Variants in STEEP1 observed in about 807,000 individuals in gnomAD.
STEEP1 encodes STING1 ER exit protein 1.
STEEP1 carries 3 observed loss-of-function variants against 19.2 expected under a neutral mutation model. The observed-to-expected ratio is 0.16, with a 90% confidence interval of 0.07 to 0.40. The LOEUF (loss-of-function observed/expected upper bound fraction) is 0.40. Ranked by LOEUF, STEEP1 falls within the 10% of genes least tolerant of loss-of-function variation. STEEP1 has a pLI of 0.99. For synonymous variants in STEEP1, 46 were observed against 63.7 expected (o/e 0.72, Z 1.32); for missense variants, 54 against 177.1 (o/e 0.30, Z 3.94).
intron 5 of STEEP1, among the ~76,000 whole-genome samples, chrX:119,542,055 C>CT (rs201339708): frequency 0.021 from 1,694 of 82,192 alleles, 126 homozygotes; most frequent in East Asian, 0.038. Flanking sequence ...CTTTTCTTTT[C>CT]TTTTTTTTTT....
At chrX:119,564,267 C>T (rs55813201) in intron 1 of STEEP1, among the ~76,000 whole-genome samples, 13,676 of 110,879 alleles carry the variant, frequency 0.12, 895 homozygotes, top group Non-Finnish European at 0.19. Flanking sequence ...GAGGCCGAGG[C>T]GGGTGGATCA....
chrX:119,548,114 G>A (rs2053218299), intron 2 of STEEP1, among the ~76,000 whole-genome samples: 1 of 111,330 alleles, frequency 9.0e-6, no homozygotes, highest in Non-Finnish European at 1.9e-5. Context: ...AGAGGTTGCA[G>A]TGAGCCAAGA....
chrX:119,540,180 T>G (rs1020109132), intron 6 of STEEP1, among the ~76,000 whole-genome samples: 2 of 112,336 alleles, frequency 1.8e-5, no homozygotes, highest in Non-Finnish European at 3.8e-5. Context: ...GAACTATTTG[T>G]TATTGGTCCA....
chrX:119,553,756 G>A (rs188594545), intron 2 of STEEP1, among the ~76,000 whole-genome samples: 162 of 111,626 alleles, frequency 1.5e-3, no homozygotes, highest in Non-Finnish European at 2.5e-3. Context: ...TCCTGAAGTC[G>A]GCCAATCCCG....
intron 2 of STEEP1, among the ~76,000 whole-genome samples, chrX:119,552,895 G>A (rs1207101386): frequency 9.0e-6 from 1 of 111,560 alleles, no homozygotes; most frequent in Non-Finnish European, 1.9e-5. Context: ...GGGTGTGGTG[G>A]CTCACACCTG....
At chrX:119,556,299 G>A (rs894039324) in intron 2 of STEEP1, among the ~76,000 whole-genome samples, 2 of 111,125 alleles carry the variant, frequency 1.8e-5, no homozygotes, top group Admixed American at 9.7e-5. Context: ...ATAGGAGGGT[G>A]TAGCAGAAGA....
intron 2 of STEEP1, among the ~76,000 whole-genome samples, chrX:119,558,032 G>A (rs188608008): frequency 2.7e-5 from 3 of 110,332 alleles, no homozygotes; most frequent in East Asian, 2.9e-4. Context: ...CCAGCCTCCC[G>A]AGTAGCTGGG....
Position 119,565,257 on chromosome X carries a change from C to A in STEEP1, c.99G>T (p.Leu33Phe). 1 of 1,209,708 alleles carries A rather than the reference C, an allele frequency of 8.3e-7. No individual in the cohort carries two copies. The highest frequency in any genetic ancestry group is 1.1e-6 in the Non-Finnish European group (1 of 894,262). ...GEKPLHVYYC[L>F]CGQMVLVLDC... ...CCAGCACTAGGACCATCTGGCCGCA[C>A]AAACAGTAGTAAACATGGAGGGGCT... Residue 33 changes from leucine (L) to phenylalanine (F), a missense_variant, in exon 1 of 7, where the codon TTG becomes TTT. Transcript: ENST00000644802.
intron 6 of STEEP1, 54 bp downstream of exon 6, chrX:119,541,265 GTCTTTCAGA>G (rs2053159942): frequency 3.0e-6 from 2 of 661,073 alleles, no homozygotes; most frequent in Admixed American, 4.8e-5. Flanking sequence ...CTGCTGAAAG[GTCTTTCAGA>G]CCAAGACATC....
chrX:119,539,861 CCAAA>C, intron 6 of STEEP1, 72 bp from the exon 7 acceptor site: 3 of 777,465 alleles, frequency 3.9e-6, no homozygotes, highest in Admixed American at 2.5e-5. Flanking sequence ...TCTAACCAAC[CCAAA>C]CACTCTCCCT....
chrX:119,541,551 A>C (rs1603305392), intron 5 of STEEP1, 131 bp from the exon 6 acceptor site: 2 of 432,100 alleles, frequency 4.6e-6, no homozygotes, highest in East Asian at 7.6e-5. Flanking sequence ...TTCCTTTTCC[A>C]TTCTCCATCT....
intron 2 of STEEP1, among the ~76,000 whole-genome samples, chrX:119,558,272 C>T (rs1352197933): frequency 9.0e-6 from 1 of 111,023 alleles, no homozygotes; most frequent in Non-Finnish European, 1.9e-5. Flanking sequence ...CGATGGCTCA[C>T]GTCTGTAATC....
intron 2 of STEEP1, among the ~76,000 whole-genome samples, chrX:119,556,413 C>T (rs2053278559): frequency 9.1e-6 from 1 of 109,979 alleles, no homozygotes; most frequent in Admixed American, 9.8e-5. Context: ...GAAACCCCGT[C>T]TCTACTAAAA....
intron 2 of STEEP1, among the ~76,000 whole-genome samples, chrX:119,546,953 G>C (rs1005931415): frequency 5.4e-5 from 6 of 110,865 alleles, no homozygotes; most frequent in Non-Finnish European, 1.1e-4. Context: ...TATGCATATG[G>C]TATACATAAG....
At chrX:119,550,631 A>C (rs2053236007) in intron 2 of STEEP1, among the ~76,000 whole-genome samples, 1 of 112,025 alleles carries the variant, frequency 8.9e-6, no homozygotes, top group African/African-American at 3.2e-5. Flanking sequence ...CATAGCTGCA[A>C]ATCTTCATAT....
chrX:119,540,060 GC>G (rs1478234632), intron 6 of STEEP1, among the ~76,000 whole-genome samples: 1 of 111,355 alleles, frequency 9.0e-6, no homozygotes, highest in Non-Finnish European at 1.9e-5. Context: ...CAGCCCCAGC[GC>G]CCCCCACAGG....
chrX:119,540,802 T>G (rs1025106708), intron 6 of STEEP1, among the ~76,000 whole-genome samples: 3 of 112,143 alleles, frequency 2.7e-5, no homozygotes, highest in Non-Finnish European at 5.6e-5. Context: ...TCCCAGTACT[T>G]TGGGAGCCCG....
chrX:119,554,676 C>A (rs1260248058), intron 2 of STEEP1, among the ~76,000 whole-genome samples: 1 of 111,800 alleles, frequency 8.9e-6, no homozygotes, highest in Non-Finnish European at 1.9e-5. Flanking sequence ...TTATGGGAAG[C>A]CAGCTGCCAT....
chrX:119,544,758 T>G (rs1271934206), intron 3 of STEEP1, among the ~76,000 whole-genome samples: 1 of 110,956 alleles, frequency 9.0e-6, no homozygotes, highest in Non-Finnish European at 1.9e-5. Flanking sequence ...CTGGCCAACA[T>G]GGCAAAACCC....
Sources: allele counts gnomAD v4.1 joint callset (sites outside exome capture counted in the v4.1 genomes callset), GRCh38; gene constraint gnomAD v4.1.1; transcripts MANE v1.5; gene names NCBI Gene and HGNC (gene_info 2026-07-23, HGNC 2026-07-21).